Variants in CALR3 observed in about 807,000 individuals in gnomAD.
The protein encoded by CALR3 is calreticulin-3.
A neutral mutation model predicts 48.7 loss-of-function variants in CALR3; 39 were observed. The observed-to-expected ratio is 0.80, with a 90% CI of 0.62 to 1.05. CALR3 has a LOEUF of 1.05. CALR3 is among the 50% of genes least tolerant of loss of function. The pLI is 0.00. For synonymous variants in CALR3, 185 were observed against 172.7 expected, an observed-to-expected ratio of 1.07 and a Z score of -0.56; for missense variants, 449 against 474.7, an observed-to-expected ratio of 0.95 and a Z score of 0.50.
intron 6 of CALR3, 38 bp downstream of exon 6, chr19:16,482,640 C>T (rs373937881): frequency 3.1e-6 from 5 of 1,613,654 alleles, no homozygotes; most frequent in Non-Finnish European, 4.2e-6. Context: ...AGGGGCAGCC[C>T]TGGGGCATCC....
In CALR3 at chr19:16,496,109, C is replaced by G. The variant is rs201886703; in HGVS notation, c.21G>C (p.Gln7His). The G allele has an allele frequency of 4.4e-5, 71 of 1,605,190 alleles. No individual in the cohort carries two copies. Among genetic ancestry groups the G allele is most frequent in the Non-Finnish European group, 5.8e-5 (68 of 1,176,132 alleles). MARALV[Q>H]LWAICMLRVA... is the part of the protein sequence containing the mutation. ...CTCGCAGCATGCATATGGCCCAGAG[C>G]TGGACCAAAGCCCGGGCCATGGGGG... The change falls in exon 1 of 9, where the codon CAG becomes CAC. Residue 7 changes from glutamine to histidine, a missense_variant. Gln to His is a conservative substitution (Grantham distance 24). Transcript: ENST00000269881.
Position 16,490,450 on chromosome 19 carries a change from C to T in CALR3, c.314G>A (p.Cys105Tyr), listed in dbSNP as rs747738664. Reference sequence around the variant, plus strand: ...AAAGACCTTAATGTAGCCCCCTCCACAGTCCATCTTCTGCTCATGTTTTAC... The same window carrying T: ...AAAGACCTTAATGTAGCCCCCTCCATAGTCCATCTTCTGCTCATGTTTTAC... Reference protein sequence around the residue: ...YTVKHEQKMDCGGGYIKVFPA... With the variant: ...YTVKHEQKMDYGGGYIKVFPA... The change falls in exon 3 of 9, where the codon TGT (cysteine) becomes TAT (tyrosine). Residue 105 changes from cysteine (C) to tyrosine (Y), a missense_variant. Cys to Tyr is a radical substitution (Grantham distance 194, BLOSUM62 -2). Transcript: ENST00000269881. 3 of 1,614,206 alleles carry T rather than the reference C, an allele frequency of 1.9e-6. No individual in the cohort carries two copies. The highest frequency in any genetic ancestry group is 2.2e-5 in the East Asian group (1 of 44,890).
rs954823101 is a variant in CALR3, at chr19:16,482,816, C to G, written c.679-31G>C. 2.6e-6 allele frequency: 4 copies of G among 1,566,546 alleles called. No individual in the cohort carries two copies. In the African/African-American group the frequency reaches 5.4e-5, roughly 21 times the overall value. ...AAGACATGTAAGGAAAAAGTAAAAT[C>G]AGTCAGATGCTCATATATTTGTTGT... On this transcript the variant is annotated intron_variant, in intron 5 of 8. Coordinates refer to ENST00000269881, the MANE Select transcript of CALR3 (RefSeq NM_145046.5).
chr19:16,480,784 T>A, intron 7 of CALR3, 78 bp from the exon 8 acceptor site: 1 of 1,069,530 alleles, frequency 9.3e-7, no homozygotes. Flanking sequence ...TTTTTTCCTT[T>A]GGAAATACAT....
At chr19:16,483,838 G>A (rs2093384592) in intron 5 of CALR3, 92 bp downstream of exon 5, 9 of 1,344,556 alleles carry the variant, frequency 6.7e-6, no homozygotes, top group Non-Finnish European at 9.4e-6. Context: ...TATTGCCATC[G>A]TGGCTACCAG....
intron 2 of CALR3, among the ~76,000 whole-genome samples, chr19:16,492,569 A>G (rs1380105074): frequency 6.6e-6 from 1 of 151,768 alleles, no homozygotes. Flanking sequence ...TGTCTCTACT[A>G]AAAATACAAA....
chr19:16,481,319 A>C (rs2093380312), intron 7 of CALR3, among the ~76,000 whole-genome samples: 1 of 152,174 alleles, frequency 6.6e-6, no homozygotes, highest in Admixed American at 6.6e-5. Context: ...TATTTTGCTC[A>C]GTAGTGTATA....
intron 8 of CALR3, among the ~76,000 whole-genome samples, chr19:16,479,837 G>C (rs1322810214): frequency 6.6e-6 from 1 of 152,088 alleles, no homozygotes; most frequent in African/African-American, 2.4e-5. Flanking sequence ...ATGCATGTCA[G>C]TACTCAGGCA....
chr19:16,493,542 ATTTTTTTTTTTTTTTT>A (rs3032114), intron 2 of CALR3, among the ~76,000 whole-genome samples: 2 of 72,928 alleles, frequency 2.7e-5, no homozygotes, highest in Non-Finnish European at 2.7e-5. Flanking sequence ...TGAAGCTAGA[ATTTTTTTTTTTTTTTT>A]TTTTTTTTTG....
In CALR3 at chr19:16,490,567, A is replaced by C; in HGVS notation, c.197T>G (p.Leu66Arg). The change falls in exon 3 of 9, where the codon CTG becomes CGG. Residue 66 changes from leucine to arginine, a missense_variant. Physicochemically the swap from Leu to Arg is moderately radical, Grantham distance 102 (BLOSUM62 -2). Transcript: ENST00000269881. Reference protein sequence around the residue: ...FYGHKEKDKGLQTTQNGRFYA... With the variant: ...FYGHKEKDKGRQTTQNGRFYA... Reference sequence around the variant, plus strand: ...GAATCGGCCATTCTGAGTGGTTTGCAGACCTTTGAACAAAATATACTCATG... The same window carrying C: ...GAATCGGCCATTCTGAGTGGTTTGCCGACCTTTGAACAAAATATACTCATG... 4 of 1,614,046 alleles carry C rather than the reference A, an allele frequency of 2.5e-6. No individual in the cohort carries two copies. Among genetic ancestry groups the C allele is most frequent in the Non-Finnish European group, 3.4e-6 (4 of 1,179,954 alleles).
At chr19:16,481,153 C>G (rs1258945983) in intron 7 of CALR3, among the ~76,000 whole-genome samples, 1 of 147,482 alleles carries the variant, frequency 6.8e-6, no homozygotes, top group South Asian at 2.1e-4. Flanking sequence ...GACTCAGTCT[C>G]AAAGAAAAAA....
In CALR3 at chr19:16,483,941, T is replaced by C. The variant is rs368652672; in HGVS notation, c.667A>G (p.Asn223Asp). 34 of 1,613,938 alleles carry C rather than the reference T, an allele frequency of 2.1e-5. No homozygotes were observed. The highest frequency in any genetic ancestry group is 2.9e-5 in the Non-Finnish European group (34 of 1,180,000). The change falls in exon 5 of 9, where the codon AAC becomes GAC. Residue 223 changes from asparagine (N) to aspartate (D), a missense_variant. Transcript: ENST00000269881. ...ESKDWEQTKD[N>D]KAQDWEKHFL... Reference sequence around the variant, plus strand: ...GGAAAAATTCACACCTGGGCTTTGTTGTCTTTAGTCTGTTCCCAATCCTTC... The same window carrying C: ...GGAAAAATTCACACCTGGGCTTTGTCGTCTTTAGTCTGTTCCCAATCCTTC...
At chr19:16,483,357 G>T (rs529976215) in intron 5 of CALR3, among the ~76,000 whole-genome samples, 7 of 152,252 alleles carry the variant, frequency 4.6e-5, no homozygotes, top group African/African-American at 1.7e-4. Context: ...TTTCCTGCAT[G>T]CTATGGAGAG....
intron 5 of CALR3, 188 bp downstream of exon 5, chr19:16,483,742 A>T (rs916529222): frequency 3.3e-6 from 2 of 606,326 alleles, no homozygotes; most frequent in African/African-American, 3.7e-5. Flanking sequence ...ATAAGTAAAT[A>T]AATAAATGTT....
At chr19:16,485,361 G>A (rs1210837295) in intron 3 of CALR3, 104 bp from the exon 4 acceptor site, 8 of 756,954 alleles carry the variant, frequency 1.1e-5, no homozygotes, top group Non-Finnish European at 1.8e-5. Context: ...GAGTCTTGCT[G>A]TCACCCAGGC....
At chr19:16,495,917 T>G in intron 1 of CALR3, 65 bp from the exon 2 acceptor site, 1 of 1,579,356 alleles carries the variant, frequency 6.3e-7, no homozygotes, top group South Asian at 1.1e-5. Flanking sequence ...AAGGGAAGGG[T>G]GAAGGGGACC....
chr19:16,482,749 T>G lies in CALR3; in HGVS notation c.715A>C (p.Lys239Gln). 6.2e-7 allele frequency: 1 copy of G among 1,613,784 alleles called. No individual in the cohort carries two copies. The highest frequency in any genetic ancestry group is 8.5e-7 in the Non-Finnish European group (1 of 1,179,938). The change falls in exon 6 of 9, where the codon AAG becomes CAG. Residue 239 changes from lysine (K) to glutamine (Q), a missense_variant. Transcript: ENST00000269881. ...AGGTCACCGTTCCAGTCGCTCTGCT[T>G]GCTGGTGCTGGCGTCCAGAAAATGC... Reference protein sequence around the residue: ...EKHFLDASTSKQSDWNGDLDG... With the variant: ...EKHFLDASTSQQSDWNGDLDG...
intron 5 of CALR3, 47 bp downstream of exon 5, chr19:16,483,883 A>G (rs1457471255): frequency 6.3e-7 from 1 of 1,592,510 alleles, no homozygotes; most frequent in Non-Finnish European, 8.6e-7. Flanking sequence ...GGGTACTTAC[A>G]AACTACATTT....
chr19:16,485,164 T>C lies in CALR3; in HGVS notation c.491A>G (p.Lys164Arg). ...YHENKKLIRC[K>R]VDGFTHLYTL... The stretch of plus-strand genomic sequence containing the variant: ...TTATTTGAATACAAGAGCAGTTACC[T>C]TACACCTGATCAGTTTCTTGTTTTC... The change falls in exon 4 of 9, where the codon AAG becomes AGG. Residue 164 changes from lysine to arginine, a missense_variant and splice_region_variant. By Grantham distance (26) the Lys-to-Arg change is conservative. Transcript: ENST00000269881. The C allele has an allele frequency of 6.3e-7, 1 of 1,586,604 alleles. No individual in the cohort carries two copies. Among genetic ancestry groups the C allele is most frequent in the Non-Finnish European group, 8.7e-7 (1 of 1,155,214 alleles).
Sources: allele counts gnomAD v4.1 joint callset (sites outside exome capture counted in the v4.1 genomes callset), GRCh38; gene constraint gnomAD v4.1.1; transcripts MANE v1.5; gene names NCBI Gene and HGNC (gene_info 2026-07-23, HGNC 2026-07-21).